The following AFAP1L1 variants were observed in gnomAD, a reference collection of about 807,000 sequenced individuals.
The protein encoded by AFAP1L1 is actin filament-associated protein 1-like 1.
Under a neutral mutation model 99.8 loss-of-function variants are expected in AFAP1L1, and 77 were observed. That is an observed-to-expected ratio of 0.77 (90% CI 0.64 to 0.93). AFAP1L1 has a LOEUF of 0.93. AFAP1L1 is among the 40% of genes least tolerant of loss of function. AFAP1L1 has a pLI of 0.00. For synonymous variants in AFAP1L1, 373 were observed against 395.3 expected, an observed-to-expected ratio of 0.94 and a Z score of 0.67; for missense variants, 893 against 996.8, an observed-to-expected ratio of 0.90 and a Z score of 1.40.
At chr5:149,294,834 GCCT>G (rs1755969077) in intron 1 of AFAP1L1, among the ~76,000 whole-genome samples, 1 of 152,100 alleles carries the variant, frequency 6.6e-6, no homozygotes, top group African/African-American at 2.4e-5. Context: ...CCCCAGCCTG[GCCT>G]CCTAGCCTCT....
chr5:149,340,050 T>C lies in AFAP1L1; in HGVS notation c.*20T>C. The C allele has an allele frequency of 6.2e-7, 1 of 1,613,830 alleles. No individual in the cohort carries two copies. The highest frequency in any genetic ancestry group is 1.3e-5 in the African/African-American group (1 of 75,034). Reference sequence around the variant, plus strand: ...ACCTAGGAAGAGGATGAGGATTTCATTCCAAAGGAAATACCAGCTTGTCCA... The same window carrying C: ...ACCTAGGAAGAGGATGAGGATTTCACTCCAAAGGAAATACCAGCTTGTCCA... On this transcript the variant is annotated 3_prime_UTR_variant, in exon 19 of 19. Coordinates refer to ENST00000296721, the MANE Select transcript of AFAP1L1 (RefSeq NM_152406.4).
At chr5:149,301,734 T>G (rs1470857748) in intron 4 of AFAP1L1, among the ~76,000 whole-genome samples, 2 of 152,264 alleles carry the variant, frequency 1.3e-5, no homozygotes, top group East Asian at 3.9e-4. Context: ...TGCGCAACCT[T>G]GGGGCCATGG....
At chr5:149,299,446 A>T in intron 1 of AFAP1L1, 63 bp from the exon 2 acceptor site, 1 of 1,592,730 alleles carries the variant, frequency 6.3e-7, no homozygotes, top group Non-Finnish European at 8.6e-7. Flanking sequence ...TGGGGGGCCG[A>T]ACTCCCGGGC....
chr5:149,310,382 C>T (rs1465995632), intron 8 of AFAP1L1, among the ~76,000 whole-genome samples: 3 of 152,234 alleles, frequency 2.0e-5, no homozygotes, highest in Non-Finnish European at 4.4e-5. Flanking sequence ...TTACTGTGGG[C>T]TTATTCAGCC....
chr5:149,285,154 G>A (rs1055207442), intron 1 of AFAP1L1, among the ~76,000 whole-genome samples: 7 of 152,278 alleles, frequency 4.6e-5, no homozygotes, highest in Admixed American at 2.6e-4. Context: ...GCCTGGCCCA[G>A]AACCAAATCC....
intron 17 of AFAP1L1, among the ~76,000 whole-genome samples, chr5:149,334,427 T>G (rs957787753): frequency 7.9e-5 from 12 of 152,144 alleles, no homozygotes; most frequent in African/African-American, 2.7e-4. Context: ...TCTCCCTGGG[T>G]TTTGGATCCT....
intron 18 of AFAP1L1, among the ~76,000 whole-genome samples, chr5:149,338,025 G>A (rs931134889): frequency 8.5e-5 from 13 of 152,210 alleles, no homozygotes; most frequent in Non-Finnish European, 1.0e-4. Context: ...GGAAGAGGCA[G>A]GCAGTGCCTG....
chr5:149,302,623 C>A, intron 5 of AFAP1L1, 97 bp downstream of exon 5: 1 of 1,102,498 alleles, frequency 9.1e-7, no homozygotes, highest in Non-Finnish European at 1.3e-6. Context: ...AACTGCAAGC[C>A]TGTCACCCTC....
intron 1 of AFAP1L1, among the ~76,000 whole-genome samples, chr5:149,296,177 G>A (rs1756011004): frequency 6.6e-6 from 1 of 152,088 alleles, no homozygotes. Context: ...GGGACTACAG[G>A]CACATGCCAC....
rs143981577 is a variant in AFAP1L1, at chr5:149,329,695, C to A, written c.1840C>A (p.Arg614=). ...SANQYKYGKN[R]AEEDARRYLV... ...CAATCAATACAAGTATGGCAAGAAC[C>A]GAGCCGAGGAGGATGCCCGGAGGTA... The change falls in exon 16 of 19, where the codon CGA becomes AGA. Residue 614 remains arginine, a synonymous_variant. Coordinates refer to ENST00000296721, the MANE Select transcript of AFAP1L1 (RefSeq NM_152406.4). The A allele has an allele frequency of 5.1e-5, 82 of 1,613,682 alleles. No homozygotes were observed. The highest frequency in any genetic ancestry group is 6.9e-5 in the Non-Finnish European group (81 of 1,179,930).
intron 14 of AFAP1L1, among the ~76,000 whole-genome samples, chr5:149,322,215 C>A (rs1756970283): frequency 6.6e-6 from 1 of 152,190 alleles, no homozygotes; most frequent in South Asian, 2.1e-4. Flanking sequence ...ACTGGCTCAT[C>A]TCATCCAGGA....
intron 11 of AFAP1L1, 66 bp downstream of exon 11, chr5:149,316,369 C>T (rs1010663198): frequency 1.3e-6 from 2 of 1,557,300 alleles, no homozygotes; most frequent in African/African-American, 2.7e-5. Flanking sequence ...GGGGCTGAGG[C>T]CAGGAGACCT....
chr5:149,273,678 A>G (rs947211861), intron 1 of AFAP1L1, among the ~76,000 whole-genome samples: 11 of 152,040 alleles, frequency 7.2e-5, no homozygotes, highest in African/African-American at 2.7e-4. Context: ...GAGGAAAAAC[A>G]GAGAGAAGAG....
At chr5:149,324,141 T>C (rs1203013043) in intron 15 of AFAP1L1, among the ~76,000 whole-genome samples, 2 of 152,214 alleles carry the variant, frequency 1.3e-5, no homozygotes, top group African/African-American at 4.8e-5. Flanking sequence ...GTTTTTTAGA[T>C]GAAGAAACTG....
chr5:149,337,220 T>G (rs920476705), intron 18 of AFAP1L1, among the ~76,000 whole-genome samples: 1 of 152,062 alleles, frequency 6.6e-6, no homozygotes, highest in Admixed American at 6.6e-5. Flanking sequence ...GTTCTGGGGA[T>G]CTAATGTACA....
intron 1 of AFAP1L1, among the ~76,000 whole-genome samples, chr5:149,285,888 A>G (rs1755663948): frequency 6.6e-6 from 1 of 152,116 alleles, no homozygotes. Flanking sequence ...GGTCCTTTCT[A>G]TGAATTCCAG....
intron 1 of AFAP1L1, among the ~76,000 whole-genome samples, chr5:149,296,343 T>G (rs998173912): frequency 4.6e-5 from 7 of 152,206 alleles, no homozygotes; most frequent in Non-Finnish European, 7.3e-5. Context: ...CCAATAATTT[T>G]TAAAAGTATA....
chr5:149,336,319 AT>A (rs1757407077), intron 18 of AFAP1L1, among the ~76,000 whole-genome samples: 1 of 152,266 alleles, frequency 6.6e-6, no homozygotes, highest in Non-Finnish European at 1.5e-5. Context: ...AATAAAGATT[AT>A]AAACAGTCAT....
At chr5:149,301,469 G>A (rs946115151) in intron 4 of AFAP1L1, among the ~76,000 whole-genome samples, 13 of 152,006 alleles carry the variant, frequency 8.6e-5, no homozygotes, top group African/African-American at 3.1e-4. Context: ...CCACCTTCCT[G>A]ACTGGGAAGT....
Sources: allele counts gnomAD v4.1 joint callset (sites outside exome capture counted in the v4.1 genomes callset), GRCh38; gene constraint gnomAD v4.1.1; transcripts MANE v1.5; gene names NCBI Gene and HGNC (gene_info 2026-07-23, HGNC 2026-07-21).